The following ESCO1 variants were observed in gnomAD, a reference collection of about 807,000 sequenced individuals.
The protein encoded by ESCO1 is N-acetyltransferase ESCO1.
In ESCO1, 33 loss-of-function variants were observed where a neutral mutation model predicts 83.5. That is an observed-to-expected ratio of 0.40 (90% CI 0.30 to 0.53). The LOEUF (loss-of-function observed/expected upper bound fraction) is 0.53, where lower values mean the gene tolerates loss of function less well. Ranked by LOEUF, ESCO1 falls within the 20% of genes least tolerant of loss-of-function variation. ESCO1 has a pLI of 0.63. For synonymous variants in ESCO1, 332 were observed against 324.3 expected (o/e 1.02, Z -0.25); for missense variants, 855 against 968.0 (o/e 0.88, Z 1.55).
chr18:21,598,370 A>G lies in ESCO1; in HGVS notation c.-825+2253T>C, dbSNP rs1233425607. ...TTATTCTGTGAAGCATAATTTATCA[A>G]TTTAAATGCCAGCACCTTGTATGGG... On this transcript the variant is annotated intron_variant, in intron 1 of 11. Transcript: ENST00000269214. Among the ~76,000 whole-genome samples the G allele has an allele frequency of 1.3e-5, 2 of 152,194 alleles. 1 individual carries two copies. Among genetic ancestry groups the G allele is most frequent in the Non-Finnish European group, 2.9e-5 (2 of 68,042 alleles).
chr18:21,579,932 A>G (rs1294458051), intron 2 of ESCO1, among the ~76,000 whole-genome samples: 3 of 145,974 alleles, frequency 2.1e-5, no homozygotes, highest in African/African-American at 5.1e-5. Flanking sequence ...GTCTCCCTCT[A>G]TTGCTCAGGC....
chr18:21,566,605 A>T (rs1317673913), intron 5 of ESCO1, among the ~76,000 whole-genome samples: 1 of 152,248 alleles, frequency 6.6e-6, no homozygotes, highest in Non-Finnish European at 1.5e-5. Flanking sequence ...TCACATCTGT[A>T]ATCCCAGCAC....
intron 8 of ESCO1, among the ~76,000 whole-genome samples, chr18:21,553,154 G>A (rs2038065841): frequency 6.6e-6 from 1 of 152,134 alleles, no homozygotes; most frequent in South Asian, 2.1e-4. Context: ...GTCAAGCACG[G>A]TGGTGTACCC....
intron 2 of ESCO1, among the ~76,000 whole-genome samples, chr18:21,575,997 A>T (rs2038414397): frequency 6.6e-6 from 1 of 152,204 alleles, no homozygotes; most frequent in African/African-American, 2.4e-5. Context: ...TCATGTTGTG[A>T]AAAAAAGTTT....
At position 21,574,802 on chromosome 18, in the gene ESCO1, T is replaced by G; in HGVS notation, c.42A>C (p.Lys14Asn). ...TCTTATCGTCACTTTTTTTAGTAAC[T>G]TTGGAGGAATTCTCTTTTGATTTCT... ...IQEKSKENSS[K>N]VTKKSDDKNS... Residue 14 changes from lysine (K) to asparagine (N), a missense_variant, in exon 4 of 12, where the codon AAA becomes AAC. Lys to Asn is a moderately conservative substitution (Grantham distance 94). Coordinates refer to ENST00000269214, the MANE Select transcript of ESCO1 (RefSeq NM_052911.3). The G allele has an allele frequency of 6.3e-7, 1 of 1,596,046 alleles. No individual in the cohort carries two copies. Among genetic ancestry groups the G allele is most frequent in the Non-Finnish European group, 8.5e-7 (1 of 1,178,522 alleles).
At chr18:21,570,929 A>C (rs1015325097) in intron 4 of ESCO1, among the ~76,000 whole-genome samples, 12 of 151,548 alleles carry the variant, frequency 7.9e-5, no homozygotes, top group Non-Finnish European at 1.5e-4. Context: ...GTGAGCCGAG[A>C]TGCACCACTG....
intron 9 of ESCO1, among the ~76,000 whole-genome samples, chr18:21,537,143 C>T (rs2037847720): frequency 6.6e-6 from 1 of 152,210 alleles, no homozygotes; most frequent in Non-Finnish European, 1.5e-5. Flanking sequence ...ATGCTTCTTG[C>T]AGTTTAGCTC....
rs575185852 is a variant in ESCO1 at position 21,579,112 on chromosome 18, G to A, written c.-693-3335C>T. Among the ~76,000 whole-genome samples, 165 of 151,912 alleles carry A rather than the reference G, an allele frequency of 1.1e-3. 1 individual carries two copies. The highest frequency in any genetic ancestry group is 2.1e-3 in the Non-Finnish European group (144 of 67,960). ...CCTGACCTCATGAACTGCCTGCCTC[G>A]GCCTCCCAAAGTGCTGCAATTACAG... On this transcript the variant is annotated intron_variant, in intron 2 of 11. Transcript: ENST00000269214.
At chr18:21,560,399 A>G (rs942517473) in intron 8 of ESCO1, among the ~76,000 whole-genome samples, 2 of 150,438 alleles carry the variant, frequency 1.3e-5, no homozygotes, top group Non-Finnish European at 3.0e-5. Context: ...TTAATCTTAT[A>G]AAGAAAAACC....
intron 11 of ESCO1, among the ~76,000 whole-genome samples, chr18:21,530,758 T>C (rs754638025): frequency 6.6e-6 from 1 of 152,134 alleles, no homozygotes; most frequent in Non-Finnish European, 1.5e-5. Flanking sequence ...AGTAGAAATA[T>C]TTCCTCAACC....
chr18:21,574,729 AT>A lies in ESCO1; in HGVS notation c.114del (p.Lys38AsnfsTer8). The A allele has an allele frequency of 1.2e-6, 2 of 1,611,126 alleles. No homozygotes were observed. The highest frequency in any genetic ancestry group is 8.5e-7 in the Non-Finnish European group (1 of 1,179,778). On this transcript the variant is annotated frameshift_variant, in exon 4 of 12. Coordinates refer to ENST00000269214, the MANE Select transcript of ESCO1 (RefSeq NM_052911.3). LOFTEE classifies it high-confidence loss of function. Reference sequence around the variant, plus strand: ...GATTTTATAGTCTCCTTTGGACCTGATTTTTTTGCTAGATTCTTTTGAGAAT... The same window carrying A: ...GATTTTATAGTCTCCTTTGGACCTGATTTTTTGCTAGATTCTTTTGAGAAT... ...IQDSQKNLAK[K>X]SGPKETIKSQ...
chr18:21,566,304 T>C (rs1568103333), intron 5 of ESCO1, 98 bp from the exon 6 acceptor site: 1 of 1,030,392 alleles, frequency 9.7e-7, no homozygotes, highest in South Asian at 1.5e-5. Flanking sequence ...AAACCTTCAA[T>C]GCATTAAATG....
chr18:21,552,041 G>C (rs747510095), intron 8 of ESCO1, among the ~76,000 whole-genome samples: 1 of 152,100 alleles, frequency 6.6e-6, no homozygotes, highest in Non-Finnish European at 1.5e-5. Context: ...TTGTCAAAAG[G>C]TCAGTTCTTC....
At chr18:21,543,466 G>A (rs1196623617) in intron 8 of ESCO1, among the ~76,000 whole-genome samples, 1 of 152,130 alleles carries the variant, frequency 6.6e-6, no homozygotes, top group African/African-American at 2.4e-5. Context: ...TGCTATTGGA[G>A]TTACTCTAAA....
chr18:21,580,130 T>A (rs2038481734), intron 2 of ESCO1, among the ~76,000 whole-genome samples: 1 of 151,932 alleles, frequency 6.6e-6, no homozygotes. Flanking sequence ...AACTCCTGAC[T>A]TTAGGTAATC....
chr18:21,553,778 A>T (rs887038931), intron 8 of ESCO1, among the ~76,000 whole-genome samples: 1 of 150,356 alleles, frequency 6.7e-6, no homozygotes, highest in East Asian at 2.0e-4. Flanking sequence ...AATCGCTTGA[A>T]CCCGAGAGGT....
chr18:21,586,683 C>G (rs1185352650), intron 1 of ESCO1, among the ~76,000 whole-genome samples: 1 of 152,148 alleles, frequency 6.6e-6, no homozygotes, highest in African/African-American at 2.4e-5. Context: ...ATCATGTCAT[C>G]TGCAAAGAGA....
intron 8 of ESCO1, among the ~76,000 whole-genome samples, chr18:21,559,978 T>C (rs946390258): frequency 7.9e-5 from 12 of 151,860 alleles, no homozygotes; most frequent in Non-Finnish European, 1.3e-4. Flanking sequence ...TACAAGCATA[T>C]GAATTTAACG....
At chr18:21,588,272 A>T (rs1454026497) in intron 1 of ESCO1, among the ~76,000 whole-genome samples, 3 of 152,162 alleles carry the variant, frequency 2.0e-5, no homozygotes, top group Non-Finnish European at 4.4e-5. Context: ...TATTTAACAT[A>T]TATGATCATT....
Sources: gnomAD v4.1 joint callset for allele counts (sites outside exome capture counted in the v4.1 genomes callset) on GRCh38, gnomAD v4.1.1 for gene constraint, MANE v1.5 for transcripts, NCBI Gene and HGNC (gene_info 2026-07-23, HGNC 2026-07-21) for gene names.